PTPRZ1: variants seen among roughly 807,000 people sequenced by gnomAD.
The protein encoded by PTPRZ1 is protein tyrosine phosphatase receptor type Z1, also known as receptor-type tyrosine-protein phosphatase zeta.
A neutral mutation model predicts 214.1 loss-of-function variants in PTPRZ1; 82 were observed. The ratio of observed to expected loss-of-function variants is 0.38; its 90% CI spans 0.32 to 0.46. The LOEUF is 0.46. Ranked by LOEUF, PTPRZ1 falls within the 20% of genes least tolerant of loss-of-function variation. The probability of loss-of-function intolerance (pLI) is 1.00; values close to 1 mark genes in which losing one functional copy is unlikely to be tolerated. For synonymous variants in PTPRZ1, 945 were observed against 987.9 expected (o/e 0.96, Z 0.81); for missense variants, 2,603 against 2,748.7 (o/e 0.95, Z 1.19).
At chr7:121,963,199 G>T (rs1287481963) in intron 2 of PTPRZ1, among the ~76,000 whole-genome samples, 1 of 152,170 alleles carries the variant, frequency 6.6e-6, no homozygotes, top group Non-Finnish European at 1.5e-5. Flanking sequence ...AGCAAAGGAG[G>T]TGTAGCATAG....
chr7:122,039,347 G>A, intron 19 of PTPRZ1, 107 bp from the exon 20 acceptor site: 1 of 1,201,548 alleles, frequency 8.3e-7, no homozygotes, highest in Non-Finnish European at 1.2e-6. Flanking sequence ...TTAGAAGAGT[G>A]AAGGAGTCCA....
At chr7:121,952,937 T>A (rs1379029742) in intron 2 of PTPRZ1, among the ~76,000 whole-genome samples, 1 of 151,914 alleles carries the variant, frequency 6.6e-6, no homozygotes, top group Non-Finnish European at 1.5e-5. Context: ...AGGAAAAGGG[T>A]CAGTATTCAG....
rs768431604 is a variant in PTPRZ1, at chr7:122,011,858, C to A, written c.2812C>A (p.His938Asn). The A allele has an allele frequency of 6.2e-7, 1 of 1,613,832 alleles. No homozygotes were observed. The highest frequency in any genetic ancestry group is 8.5e-7 in the Non-Finnish European group (1 of 1,179,698). ...YALSDNEGSQ[H>N]IFTVSYSSAI... is the part of the protein sequence containing the mutation. Reference sequence around the variant, plus strand: ...CTTGTCTGATAATGAGGGCTCCCAACACATCTTCACTGTTTCTTACAGTTC... The same window carrying A: ...CTTGTCTGATAATGAGGGCTCCCAAAACATCTTCACTGTTTCTTACAGTTC... The change falls in exon 12 of 30, where the codon CAC (histidine) becomes AAC (asparagine). Residue 938 changes from histidine (H) to asparagine (N), a missense_variant. Physicochemically the swap from His to Asn is moderately conservative, Grantham distance 68. Transcript: ENST00000393386.
Position 122,011,900 on chromosome 7 carries a change from G to T in PTPRZ1, c.2854G>T (p.Asp952Tyr), listed in dbSNP as rs765508429. 3.1e-6 allele frequency: 5 copies of T among 1,614,086 alleles called. No individual in the cohort carries two copies. In the Admixed American group the frequency reaches 8.3e-5, roughly 27 times the overall value. ...VSYSSAIPVH[D>Y]SVGVTYQGSL... Reference sequence around the variant, plus strand: ...TTACAGTTCTGCAATACCTGTGCATGATTCTGTGGGTGTAACTTATCAGGG... The same window carrying T: ...TTACAGTTCTGCAATACCTGTGCATTATTCTGTGGGTGTAACTTATCAGGG... Residue 952 changes from aspartate (D) to tyrosine (Y), a missense_variant, in exon 12 of 30, where the codon GAT (aspartate) becomes TAT (tyrosine). Physicochemically the swap from Asp to Tyr is radical, Grantham distance 160 (BLOSUM62 -3). Coordinates refer to ENST00000393386, the MANE Select transcript of PTPRZ1 (RefSeq NM_002851.3).
intron 29 of PTPRZ1, among the ~76,000 whole-genome samples, chr7:122,060,622 T>C (rs943115692): frequency 5.9e-5 from 9 of 152,182 alleles, no homozygotes; most frequent in Non-Finnish European, 1.3e-4. Flanking sequence ...TGGTGAACAG[T>C]GAAGGATTGC....
At chr7:121,903,966 T>TCTCA (rs1554427276) in intron 1 of PTPRZ1, among the ~76,000 whole-genome samples, 1 of 123,846 alleles carries the variant, frequency 8.1e-6, no homozygotes, top group Non-Finnish European at 1.8e-5. Context: ...TCTTTAAATC[T>TCTCA]CACACACACA....
Position 121,929,884 on chromosome 7 carries a change from A to G in PTPRZ1, c.124+1663A>G, listed in dbSNP as rs546424752. 2.0e-5 allele frequency among the ~76,000 whole-genome samples: 3 copies of G among 152,076 alleles called. No homozygotes were observed. The South Asian group carries it at 6.2e-4, about 32-fold the overall frequency. ...TAGATTTGTGATGCACACTGCCTAA[A>G]TGCTTCCTAGATGGGTTACACTCAT... On this transcript the variant is annotated intron_variant, in intron 2 of 29. Coordinates refer to ENST00000393386, the MANE Select transcript of PTPRZ1 (RefSeq NM_002851.3).
chr7:121,891,469 T>TTTTTTTTTTTTTTTTTTTTTTTTA, intron 1 of PTPRZ1, among the ~76,000 whole-genome samples: 1 of 144,314 alleles, frequency 6.9e-6, no homozygotes, highest in Non-Finnish European at 1.5e-5. Flanking sequence ...TTTTTTTTTT[T>TTTTTTTTTTTTTTTTTTTTTTTTA]TTTTTTTTTT....
rs1799555433 is a variant in PTPRZ1 at position 122,036,765 on chromosome 7, A to G, written c.5367+83A>G. On this transcript the variant is annotated intron_variant, in intron 18 of 29. Transcript: ENST00000393386. ...CATAATGCCATACATGCATACATATACTAGTGCTTAATGTCATGTTATTCG... is the reference window on the plus strand; with the variant it reads ...CATAATGCCATACATGCATACATATGCTAGTGCTTAATGTCATGTTATTCG... 7 of 852,936 alleles carry G rather than the reference A, an allele frequency of 8.2e-6. 1 individual carries two copies. The highest frequency in any genetic ancestry group is 6.7e-4 in the Middle Eastern group (2 of 2,976). The allele number at this position is 852,936 out of a possible 1,614,324, so 52.8% of individuals were successfully genotyped here.
chr7:121,897,203 A>G (rs1794810415), intron 1 of PTPRZ1, among the ~76,000 whole-genome samples: 1 of 152,198 alleles, frequency 6.6e-6, no homozygotes, highest in Non-Finnish European at 1.5e-5. Flanking sequence ...CATAAGTGGA[A>G]GGTAACAGAA....
chr7:122,042,578 G>T (rs770497823), intron 21 of PTPRZ1, 30 bp from the exon 22 acceptor site: 3 of 1,552,774 alleles, frequency 1.9e-6, no homozygotes, highest in South Asian at 1.2e-5. Context: ...GCTTAACATT[G>T]AAATATTTAT....
chr7:121,920,724 AAAGCTAGTTTAATAG>A (rs1404693674), intron 1 of PTPRZ1, among the ~76,000 whole-genome samples: 1 of 152,230 alleles, frequency 6.6e-6, no homozygotes, highest in Non-Finnish European at 1.5e-5. Context: ...AAGCTCAAGT[AAAGCTAGTTTAATAG>A]AAGCTATCCT....
At chr7:121,953,138 G>C (rs7785418) in intron 2 of PTPRZ1, among the ~76,000 whole-genome samples, 3,396 of 152,246 alleles carry the variant, frequency 0.022, 145 homozygotes, top group African/African-American at 0.077. Flanking sequence ...CTTTAAATAG[G>C]AGTTTGGTTT....
At chr7:121,998,911 A>C (rs1310470255) in intron 10 of PTPRZ1, among the ~76,000 whole-genome samples, 2 of 152,144 alleles carry the variant, frequency 1.3e-5, no homozygotes, top group African/African-American at 2.4e-5. Context: ...AGCCTATTTT[A>C]GTTTTACCTA....
At position 122,011,955 on chromosome 7, in the gene PTPRZ1, C is replaced by A; in HGVS notation, c.2909C>A (p.Pro970Gln). 1.2e-6 allele frequency: 2 copies of A among 1,614,132 alleles called. No homozygotes were observed. The highest frequency in any genetic ancestry group is 1.7e-6 in the Non-Finnish European group (2 of 1,179,986). Residue 970 changes from proline to glutamine, a missense_variant, in exon 12 of 30, where the codon CCA (proline) becomes CAA (glutamine). Coordinates refer to ENST00000393386, the MANE Select transcript of PTPRZ1 (RefSeq NM_002851.3). ...GSLFSGPSHI[P>Q]IPKSSLITPT... Reference sequence around the variant, plus strand: ...TTATTTAGCGGCCCTAGCCATATACCAATACCTAAGTCTTCGTTAATAACC... The same window carrying A: ...TTATTTAGCGGCCCTAGCCATATACAAATACCTAAGTCTTCGTTAATAACC...
chr7:122,042,894 C>G (rs970403745), intron 22 of PTPRZ1, 151 bp downstream of exon 22: 14 of 801,792 alleles, frequency 1.7e-5, no homozygotes, highest in Non-Finnish European at 2.5e-5. Flanking sequence ...GTTCTGATGT[C>G]TGTAGGCCCA....
rs370056089 is a variant in PTPRZ1 at position 122,013,181 on chromosome 7, G to A, written c.4135G>A (p.Val1379Ile). The change falls in exon 12 of 30, where the codon GTT becomes ATT. Residue 1379 changes from valine to isoleucine, a missense_variant. This residue lies in a region of PTPRZ1 where 1,913 missense variants were observed against 1,914.3 expected (regional missense o/e 1.00). Transcript: ENST00000393386. The stretch of plus-strand genomic sequence containing the variant: ...AAATGGGCATGTTGCCATTACAGCT[G>A]TTTCTCCCCACAGAGATGGTTCTGT... ...IGNGHVAITA[V>I]SPHRDGSVTS... 2 of 1,613,990 alleles carry A rather than the reference G, an allele frequency of 1.2e-6. No individual in the cohort carries two copies. The highest frequency in any genetic ancestry group is 2.7e-5 in the African/African-American group (2 of 74,918).
At chr7:121,991,018 G>GA (rs1797946224) in intron 8 of PTPRZ1, among the ~76,000 whole-genome samples, 3 of 152,108 alleles carry the variant, frequency 2.0e-5, no homozygotes. Context: ...GCACAGGGGG[G>GA]AAAATCAGAC....
At chr7:121,939,800 T>C (rs1796190297) in intron 2 of PTPRZ1, among the ~76,000 whole-genome samples, 1 of 152,066 alleles carries the variant, frequency 6.6e-6, no homozygotes, top group Non-Finnish European at 1.5e-5. Context: ...CAAACAATAG[T>C]GATTAAGCGT....
Sources: gnomAD v4.1 joint callset for allele counts (sites outside exome capture counted in the v4.1 genomes callset) on GRCh38, gnomAD v4.1.1 for gene constraint, gnomAD v4.1.1 regional missense constraint, MANE v1.5 for transcripts, NCBI Gene and HGNC (gene_info 2026-07-23, HGNC 2026-07-21) for gene names.